The following SECISBP2 variants were observed in gnomAD, a reference collection of about 807,000 sequenced individuals.
SECISBP2 encodes SECIS binding protein 2, also known as selenocysteine insertion sequence-binding protein 2.
In SECISBP2, 96 loss-of-function variants were observed where a neutral mutation model predicts 98.2. The observed-to-expected ratio is 0.98, with a 90% CI of 0.83 to 1.16. The LOEUF (loss-of-function observed/expected upper bound fraction) is 1.16, where lower values mean the gene tolerates loss of function less well. Among genes scored for constraint, SECISBP2 ranks in the 50% most tolerant of loss-of-function variants. The pLI, the probability that SECISBP2 is intolerant of heterozygous loss-of-function variation, is 0.00. For missense variants in SECISBP2, 1,046 were observed against 1,022.9 expected (o/e 1.02, Z -0.31); for synonymous variants, 407 against 370.2 (o/e 1.10, Z -1.14).
At chr9:89,364,195 C>A (rs1262899533), downstream of SECISBP2, 2 of 682,904 alleles carry the variant, frequency 2.9e-6, no homozygotes, top group Non-Finnish European at 4.8e-6. Context: ...CAAAGCACAC[C>A]TGTGTGGCCT....
downstream of SECISBP2, chr9:89,362,295 A>G (rs2132160393): frequency 6.3e-6 from 10 of 1,596,434 alleles, 1 homozygote; most frequent in Middle Eastern, 7.5e-4. Flanking sequence ...CTTGGGCAAG[A>G]CAGTTCACAG....
At chr9:89,354,092 A>C (rs1042262233) in intron 14 of SECISBP2, among the ~76,000 whole-genome samples, 8 of 152,262 alleles carry the variant, frequency 5.3e-5, no homozygotes, top group Non-Finnish European at 8.8e-5. Flanking sequence ...ATCTGAGCCT[A>C]GCATCTTGCT....
the SECISBP2 span, chr9:89,367,072 A>C: frequency 6.6e-6 from 1 of 152,598 alleles, no homozygotes; most frequent in African/African-American, 2.4e-5. Flanking sequence ...ATACTATTTA[A>C]ATACATGCTT....
At chr9:89,355,364 T>A in intron 14 of SECISBP2, 2 of 985,440 alleles carry the variant, frequency 2.0e-6, no homozygotes, top group Non-Finnish European at 2.4e-6. Flanking sequence ...ACCACTGTGT[T>A]CCCTCCCAGG....
intron 11 of SECISBP2, among the ~76,000 whole-genome samples, chr9:89,347,465 C>CTTTTT (rs1184563393): frequency 1.9e-4 from 17 of 87,390 alleles, no homozygotes; most frequent in Non-Finnish European, 2.4e-4. Context: ...CCGGTGAATT[C>CTTTTT]TTTTTTTTTT....
intron 14 of SECISBP2, chr9:89,357,176 A>T: frequency 1.8e-6 from 1 of 569,096 alleles, no homozygotes; most frequent in Non-Finnish European, 3.1e-6. Flanking sequence ...AGTAATACTA[A>T]TAGTTAACTT....
downstream of SECISBP2, chr9:89,361,026 A>G (rs1362436004): frequency 1.3e-5 from 2 of 152,192 alleles, no homozygotes; most frequent in African/African-American, 2.4e-5. Context: ...GTAGTGGTTG[A>G]AGCCACACCC....
chr9:89,328,690 C>T lies in SECISBP2; in HGVS notation c.605C>T (p.Ser202Phe), dbSNP rs375610803. 2 of 1,613,934 alleles carry T rather than the reference C, an allele frequency of 1.2e-6. No homozygotes were observed. The highest frequency in any genetic ancestry group is 2.7e-5 in the African/African-American group (2 of 74,900). The part of the protein sequence containing the change: ...DGYHKRTDRK[S>F]RIIAKNVSTS... ...TACCATAAGCGAACAGACAGGAAAT[C>T]CAGAATCATTGCAAAAAATGTATCT... is the stretch of plus-strand genomic sequence containing the variant. The change falls in exon 5 of 17, where the codon TCC becomes TTC. Residue 202 changes from serine to phenylalanine, a missense_variant. By Grantham distance (155) the Ser-to-Phe change is radical. Transcript: ENST00000375807.
chr9:89,332,911 G>A lies in SECISBP2; in HGVS notation c.805G>A (p.Glu269Lys), dbSNP rs1376905414. The A allele has an allele frequency of 6.2e-6, 10 of 1,613,162 alleles. No individual in the cohort carries two copies. The highest frequency in any genetic ancestry group is 1.3e-5 in the African/African-American group (1 of 75,006). The change falls in exon 6 of 17, where the codon GAA becomes AAA. Residue 269 changes from glutamate to lysine, a missense_variant. Transcript: ENST00000375807. ...VKPAAVLSKG[E>K]IVVKNNPNES... The stretch of plus-strand genomic sequence containing the variant: ...ATCTAATGTGTTTGCTTTTTAGGGT[G>A]AAATAGTGGTGAAAAATAACCCAAA...
chr9:89,338,762 T>A (rs950183559), intron 8 of SECISBP2, among the ~76,000 whole-genome samples, 182 bp downstream of exon 8: 1 of 152,164 alleles, frequency 6.6e-6, no homozygotes, highest in African/African-American at 2.4e-5. Flanking sequence ...CCCAGTTGTC[T>A]CAGAGCAGCC....
intron 4 of SECISBP2, among the ~76,000 whole-genome samples, chr9:89,326,467 A>G (rs946225944): frequency 1.3e-5 from 2 of 152,226 alleles, no homozygotes; most frequent in Non-Finnish European, 2.9e-5. Flanking sequence ...GTTTTATGCT[A>G]CCTGCTTCCC....
At chr9:89,362,363 T>C, downstream of SECISBP2, 2 of 1,613,966 alleles carry the variant, frequency 1.2e-6, no homozygotes, top group Non-Finnish European at 1.7e-6. Flanking sequence ...CAGGGTCTTG[T>C]TGGGGTTGAG....
At chr9:89,338,228 A>T (rs1185064783) in intron 7 of SECISBP2, among the ~76,000 whole-genome samples, 1 of 152,246 alleles carries the variant, frequency 6.6e-6, no homozygotes. Flanking sequence ...CAAATCCACC[A>T]GTTTTCAAAA....
chr9:89,336,736 G>A lies in SECISBP2; in HGVS notation c.1090-1722G>A, dbSNP rs565392987. Among the ~76,000 whole-genome samples the A allele has an allele frequency of 2.0e-5, 3 of 149,316 alleles. No individual in the cohort carries two copies. In the East Asian group the frequency reaches 5.9e-4, roughly 29 times the overall value. On this transcript the variant is annotated intron_variant, in intron 7 of 16. Coordinates refer to ENST00000375807, the MANE Select transcript of SECISBP2 (RefSeq NM_024077.5). The stretch of plus-strand genomic sequence containing the variant: ...CTGGGGCTCCTCTGGGTGGCCAGGC[G>A]CAGGCTGGACAACAGCCCACTGTCT...
At position 89,318,518 on chromosome 9, in the gene SECISBP2, C is replaced by G. The variant is rs528783957; in HGVS notation, c.-59C>G. The G allele has an allele frequency of 6.7e-6, 10 of 1,502,736 alleles. No homozygotes were observed. Among genetic ancestry groups the G allele is most frequent in the South Asian group, 3.6e-5 (3 of 82,264 alleles). The allele number at this position is 1,502,736 out of a possible 1,614,324, so 93.1% of individuals were successfully genotyped here. A position where few individuals can be genotyped will look rare whatever the true frequency, so the allele number is the denominator to read the frequency against. ...CGGGGGCGGAAACGCTTTGTCTGTC[C>G]GGCAAGCCGACGGCCCGCTGCTGGC... On this transcript the variant is annotated 5_prime_UTR_variant, in exon 1 of 17. Coordinates refer to ENST00000375807, the MANE Select transcript of SECISBP2 (RefSeq NM_024077.5).
intron 7 of SECISBP2, among the ~76,000 whole-genome samples, chr9:89,337,530 T>G (rs1483044654): frequency 6.6e-6 from 1 of 152,110 alleles, no homozygotes. Flanking sequence ...GGTTTCTCTG[T>G]TTTTTTGTTT....
intron 1 of SECISBP2, 118 bp from the exon 2 acceptor site, chr9:89,319,534 T>C: frequency 1.6e-6 from 2 of 1,218,182 alleles, no homozygotes; most frequent in Non-Finnish European, 2.4e-6. Flanking sequence ...GGCAGAAGTT[T>C]TTAAACAACA....
intron 2 of SECISBP2, chr9:89,322,792 T>G (rs1222731691): frequency 6.6e-6 from 1 of 152,134 alleles, no homozygotes; most frequent in Non-Finnish European, 1.5e-5. Context: ...GTGCATGATA[T>G]GTTTGGGAGA....
At chr9:89,353,919 AT>A (rs1472115551) in intron 14 of SECISBP2, among the ~76,000 whole-genome samples, 1 of 152,194 alleles carries the variant, frequency 6.6e-6, no homozygotes, top group Non-Finnish European at 1.5e-5. Context: ...AAGGGACTTG[AT>A]TGTATATTTT....
Sources: gnomAD v4.1 joint callset for allele counts (sites outside exome capture counted in the v4.1 genomes callset) on GRCh38, gnomAD v4.1.1 for gene constraint, MANE v1.5 for transcripts, NCBI Gene and HGNC (gene_info 2026-07-23, HGNC 2026-07-21) for gene names.